The following KRT23 variants were observed in gnomAD, a reference collection of about 807,000 sequenced individuals.
The protein encoded by KRT23 is keratin, type I cytoskeletal 23.
KRT23 carries 38 observed loss-of-function variants against 47.6 expected under a neutral mutation model. The observed-to-expected ratio is 0.80, with a 90% confidence interval of 0.62 to 1.05. The LOEUF (loss-of-function observed/expected upper bound fraction) is 1.05. Among genes scored for constraint, KRT23 ranks in the 50% least tolerant of loss-of-function variants. The pLI is 0.00. For synonymous variants in KRT23, 191 were observed against 199.0 expected, an observed-to-expected ratio of 0.96 and a Z score of 0.34; for missense variants, 503 against 529.5, an observed-to-expected ratio of 0.95 and a Z score of 0.49.
At position 40,923,073 on chromosome 17, in the gene KRT23, A is replaced by T. The variant is rs773604297; in HGVS notation, c.1185T>A (p.Thr395=). 35 of 1,612,056 alleles carry T rather than the reference A, an allele frequency of 2.2e-5. No individual in the cohort carries two copies. Among genetic ancestry groups the T allele is most frequent in the Non-Finnish European group, 2.9e-5 (34 of 1,178,250 alleles). Residue 395 remains threonine, a synonymous_variant, in exon 9 of 9, where the codon ACT becomes ACA. Coordinates refer to ENST00000209718, the MANE Select transcript of KRT23 (RefSeq NM_015515.5). ...ESKSSMKVSA[T]PKIKAITQET... is the part of the protein sequence containing the mutation. ...CCTGGGTTATGGCCTTGATCTTTGGAGTTGCAGACACTGAGAAAAAGAGCA... is the reference window on the plus strand; with the variant it reads ...CCTGGGTTATGGCCTTGATCTTTGGTGTTGCAGACACTGAGAAAAAGAGCA...
At chr17:40,929,452 T>C (rs1325883527) in intron 4 of KRT23, among the ~76,000 whole-genome samples, 1 of 152,256 alleles carries the variant, frequency 6.6e-6, no homozygotes, top group Non-Finnish European at 1.5e-5. Context: ...GAACTGTTTT[T>C]CTATCATTTT....
chr17:40,925,008 T>C (rs1909136248), intron 7 of KRT23, among the ~76,000 whole-genome samples: 1 of 142,726 alleles, frequency 7.0e-6, no homozygotes, highest in Non-Finnish European at 1.5e-5. Flanking sequence ...TTTTTTTTTT[T>C]CTCTTTTGCT....
At chr17:40,924,584 C>T (rs925639462) in intron 7 of KRT23, 81 bp from the exon 8 acceptor site, 94 of 1,098,248 alleles carry the variant, frequency 8.6e-5, no homozygotes, top group Non-Finnish European at 1.1e-4. Flanking sequence ...TAACTTCCTT[C>T]GCTTGCTTGT....
chr17:40,930,010 G>A lies in KRT23; in HGVS notation c.566C>T (p.Thr189Ile). 6.2e-7 allele frequency: 1 copy of A among 1,614,114 alleles called. No homozygotes were observed. Among genetic ancestry groups the A allele is most frequent in the Non-Finnish European group, 8.5e-7 (1 of 1,179,968 alleles). ...RRTLDNLTIV[T>I]TDLEQEVEGM... ...TTCCACCTCCTGTTCTAGGTCTGTT[G>A]TGACAATGGTCAGGTTGTCTAAGGT... The change falls in exon 4 of 9, where the codon ACA (threonine) becomes ATA (isoleucine). Residue 189 changes from threonine (T) to isoleucine (I), a missense_variant. Physicochemically the swap from Thr to Ile is moderately conservative, Grantham distance 89. Transcript: ENST00000209718.
At chr17:40,929,098 G>T (rs1479294915) in intron 4 of KRT23, among the ~76,000 whole-genome samples, 1 of 149,998 alleles carries the variant, frequency 6.7e-6, no homozygotes, top group East Asian at 2.0e-4. Flanking sequence ...TTACTGACTT[G>T]ATCCGTGGTT....
intron 6 of KRT23, 63 bp downstream of exon 6, chr17:40,928,175 G>A (rs1909349465): frequency 8.7e-6 from 14 of 1,605,532 alleles, no homozygotes; most frequent in Non-Finnish European, 1.2e-5. Flanking sequence ...CTGGGAGAGA[G>A]GTCTCAGAAG....
At chr17:40,928,636 C>T (rs767535841) in intron 4 of KRT23, 29 bp from the exon 5 acceptor site, 3 of 1,596,194 alleles carry the variant, frequency 1.9e-6, no homozygotes, top group South Asian at 2.2e-5. Flanking sequence ...AGGAAATGAA[C>T]CGGCTTTGAC....
chr17:40,926,415 T>C lies in KRT23; in HGVS notation c.922-841A>G, dbSNP rs1203296067. On this transcript the variant is annotated intron_variant, in intron 6 of 8. Transcript: ENST00000209718. ...TCTCCCAGGAGGTTATTTTGTTCCC[T>C]CTCCTCTGTCCTTGCCATCCTTCCT... Among the ~76,000 whole-genome samples the C allele has an allele frequency of 3.3e-5, 5 of 152,192 alleles. No individual in the cohort carries two copies. In the East Asian group the frequency reaches 5.8e-4, roughly 18 times the overall value.
chr17:40,925,546 T>A lies in KRT23; in HGVS notation c.950A>T (p.Glu317Val). The change falls in exon 7 of 9, where the codon GAG (glutamate) becomes GTG (valine). Residue 317 changes from glutamate to valine, a missense_variant. Transcript: ENST00000209718. ...TKSALENMLS[E>V]TQSRYSCKLQ... ...CTTGCAGGAGTACCGAGACTGGGTC[T>A]CGGATAACATGTTTTCCAAAGCAGA... The A allele has an allele frequency of 6.2e-7, 1 of 1,613,996 alleles. No homozygotes were observed. Among genetic ancestry groups the A allele is most frequent in the Non-Finnish European group, 8.5e-7 (1 of 1,179,886 alleles).
rs189716899 is a variant in KRT23 at position 40,933,745 on chromosome 17, T to C, written c.397-2290A>G. Among the ~76,000 whole-genome samples, 215 of 152,344 alleles carry C rather than the reference T, an allele frequency of 1.4e-3. 1 individual carries two copies. The highest frequency in any genetic ancestry group is 4.8e-3 in the African/African-American group (201 of 41,586). ...GCTTACTTAGTACAGAATTATGATATAACCATCATTTCTGACACAATCTTC... is the reference window on the plus strand; with the variant it reads ...GCTTACTTAGTACAGAATTATGATACAACCATCATTTCTGACACAATCTTC... On this transcript the variant is annotated intron_variant, in intron 2 of 8. Transcript: ENST00000209718.
At position 40,936,552 on chromosome 17, in the gene KRT23, C is replaced by T. The variant is rs1910092022; in HGVS notation, c.52G>A (p.Ala18Thr). 2.0e-6 allele frequency: 3 copies of T among 1,520,782 alleles called. No individual in the cohort carries two copies. Among genetic ancestry groups the T allele is most frequent in the Non-Finnish European group, 2.6e-6 (3 of 1,137,398 alleles). 94.2% of individuals were successfully genotyped at this position (1,520,782 alleles called of 1,614,324 possible). A position where few individuals can be genotyped will look rare whatever the true frequency, so the allele number is the denominator to read the frequency against. ...CTGGGCCGGCCCCAGCCACCTCCGG[C>T]GCCATGGAAGGAGGCCGAGGGGGTC... is the stretch of plus-strand genomic sequence containing the variant. ...SQTPSASFHG[A>T]GGGWGRPRSF... is the part of the protein sequence containing the mutation. The change falls in exon 2 of 9, where the codon GCC (alanine) becomes ACC (threonine). Residue 18 changes from alanine (A) to threonine (T), a missense_variant. By Grantham distance (58) the Ala-to-Thr change is moderately conservative (BLOSUM62 0). Coordinates refer to ENST00000209718, the MANE Select transcript of KRT23 (RefSeq NM_015515.5).
intron 8 of KRT23, among the ~76,000 whole-genome samples, chr17:40,923,799 T>A (rs1909068337): frequency 6.6e-6 from 1 of 152,190 alleles, no homozygotes; most frequent in South Asian, 2.1e-4. Context: ...GAATCTCCAA[T>A]GCCTTAGAAT....
rs1910112511 is a variant in KRT23 at position 40,936,758 on chromosome 17, A to T, written c.-155T>A. 12 of 669,074 alleles carry T rather than the reference A, an allele frequency of 1.8e-5. No individual in the cohort carries two copies. In the East Asian group the frequency reaches 3.9e-4, roughly 22 times the overall value. The allele number at this position is 669,074 out of a possible 1,614,324, so 41.4% of individuals were successfully genotyped here. On this transcript the variant is annotated 5_prime_UTR_variant, in exon 2 of 9. It adds an upstream start codon to the 5' untranslated region. Transcript: ENST00000209718. ...ACCAACAAGATTGTATCATTGTGCAACTTGTGTTTCCTCTTGGTCAATCCC... is the reference window on the plus strand; with the variant it reads ...ACCAACAAGATTGTATCATTGTGCATCTTGTGTTTCCTCTTGGTCAATCCC...
At chr17:40,925,867 CTA>C (rs1158345421) in intron 6 of KRT23, among the ~76,000 whole-genome samples, 1 of 152,154 alleles carries the variant, frequency 6.6e-6, no homozygotes, top group African/African-American at 2.4e-5. Context: ...ACTGGGACTG[CTA>C]TCTCTTTGTA....
chr17:40,923,032 C>T lies in KRT23; in HGVS notation c.1226G>A (p.Arg409Lys). 6.2e-7 allele frequency: 1 copy of T among 1,614,110 alleles called. No homozygotes were observed. Among genetic ancestry groups the T allele is most frequent in the Non-Finnish European group, 8.5e-7 (1 of 1,179,982 alleles). ...TTCATTCACTTGACAAAGAACTAAT[C>T]TTCCGTTGATGGTCTCCTGGGTTAT... is the stretch of plus-strand genomic sequence containing the variant. ...KAITQETINGRLVLCQVNEIQ... is the reference protein window; with the variant it reads ...KAITQETINGKLVLCQVNEIQ... The change falls in exon 9 of 9, where the codon AGA becomes AAA. Residue 409 changes from arginine to lysine, a missense_variant. Transcript: ENST00000209718.
In KRT23 at chr17:40,930,712, C is replaced by A. The variant is rs1909600258; in HGVS notation, c.480-616G>T. Among the ~76,000 whole-genome samples, 2 of 151,670 alleles carry A rather than the reference C, an allele frequency of 1.3e-5. 1 individual carries two copies. Among genetic ancestry groups the A allele is most frequent in the South Asian group, 4.2e-4 (2 of 4,784 alleles). On this transcript the variant is annotated intron_variant, in intron 3 of 8. Transcript: ENST00000209718. ...CTGGAAGGCAGAGGTTGCAGTGAGC[C>A]GAGATCACGCCACTACACTACAGCC...
chr17:40,929,353 G>T (rs182102134), intron 4 of KRT23, among the ~76,000 whole-genome samples: 3 of 152,254 alleles, frequency 2.0e-5, no homozygotes. Flanking sequence ...GCAGCCACAG[G>T]AAAGGTTTAA....
At position 40,936,440 on chromosome 17, in the gene KRT23, G is replaced by C. The variant is rs1567808844; in HGVS notation, c.164C>G (p.Pro55Arg). ...TCTTCCAGAACCCCAAGACCCTCCA[G>C]GGGGTGGGCAGCTCCGCGTGGTGAA... The part of the protein sequence containing the change: ...LSFTTRSCPP[P>R]GGSWGSGRSS... Residue 55 changes from proline to arginine, a missense_variant, in exon 2 of 9, where the codon CCT becomes CGT. Transcript: ENST00000209718. 2 of 1,610,660 alleles carry C rather than the reference G, an allele frequency of 1.2e-6. No individual in the cohort carries two copies. Among genetic ancestry groups the C allele is most frequent in the Non-Finnish European group, 1.7e-6 (2 of 1,177,778 alleles).
intron 6 of KRT23, among the ~76,000 whole-genome samples, chr17:40,927,125 G>T (rs1909272746): frequency 6.6e-6 from 1 of 152,126 alleles, no homozygotes; most frequent in Admixed American, 6.6e-5. Flanking sequence ...TAAGATAGCA[G>T]CTCTTCACCC....
Sources: gnomAD v4.1 joint callset for allele counts (sites outside exome capture counted in the v4.1 genomes callset) on GRCh38, gnomAD v4.1.1 for gene constraint, MANE v1.5 for transcripts, NCBI Gene and HGNC (gene_info 2026-07-23, HGNC 2026-07-21) for gene names.